Variants in SLC25A17 observed in about 807,000 individuals in gnomAD.
The protein encoded by SLC25A17 is peroxisomal membrane protein PMP34.
Under a neutral mutation model 38.5 loss-of-function variants are expected in SLC25A17, and 26 were observed. The observed-to-expected ratio is 0.68, with a 90% CI of 0.50 to 0.94. The LOEUF (loss-of-function observed/expected upper bound fraction) is 0.94, where lower values mean the gene tolerates loss of function less well. Ranked by LOEUF, SLC25A17 falls within the 40% of genes least tolerant of loss-of-function variation. The pLI is 0.00. For missense variants in SLC25A17, 333 were observed against 372.7 expected, an observed-to-expected ratio of 0.89 and a Z score of 0.88; for synonymous variants, 139 against 136.2, an observed-to-expected ratio of 1.02 and a Z score of -0.14.
intron 4 of SLC25A17, chr22:40,788,952 G>A (rs1331179061): frequency 6.3e-6 from 2 of 317,970 alleles, no homozygotes; most frequent in Admixed American, 3.6e-5. Context: ...AGCCAACAAC[G>A]GCCACACTCA....
At position 40,792,609 on chromosome 22, in the gene SLC25A17, A is replaced by G. The variant is rs2057393992; in HGVS notation, c.250T>C (p.Tyr84His). 1 of 1,613,960 alleles carries G rather than the reference A, an allele frequency of 6.2e-7. No individual in the cohort carries two copies. Among genetic ancestry groups the G allele is most frequent in the Non-Finnish European group, 8.5e-7 (1 of 1,179,954 alleles). The change falls in exon 4 of 9, where the codon TAC becomes CAC. Residue 84 changes from tyrosine to histidine, a missense_variant. Transcript: ENST00000435456. ...SLCCSNFVYF[Y>H]TFNSLKALWV... is the part of the protein sequence containing the mutation. The stretch of plus-strand genomic sequence containing the variant: ...AGTGCTTTGAGGCTATTAAAAGTGT[A>G]GAAATAGACAAAATTGGAGCAGCAG...
intron 4 of SLC25A17, among the ~76,000 whole-genome samples, chr22:40,782,614 G>T (rs1406189537): frequency 6.6e-6 from 1 of 152,162 alleles, no homozygotes; most frequent in Non-Finnish European, 1.5e-5. Flanking sequence ...GAAAATATGT[G>T]CAATGACCAT....
intron 2 of SLC25A17, 37 bp from the exon 3 acceptor site, chr22:40,794,617 TAA>T: frequency 7.1e-7 from 1 of 1,406,116 alleles, no homozygotes; most frequent in Non-Finnish European, 9.7e-7. Context: ...TTTTATTAAT[TAA>T]AAAAAAAATT....
chr22:40,773,410 CAAAAAAAAAAAAA>C (rs59479764), intron 8 of SLC25A17, among the ~76,000 whole-genome samples: 2 of 74,338 alleles, frequency 2.7e-5, no homozygotes, highest in Non-Finnish European at 5.0e-5. Flanking sequence ...ACTCTGTCTC[CAAAAAAAAAAAAA>C]AAAAAAAAAA....
chr22:40,776,977 A>G, intron 7 of SLC25A17, 63 bp downstream of exon 7: 1 of 1,327,894 alleles, frequency 7.5e-7, no homozygotes, highest in Non-Finnish European at 1.1e-6. Flanking sequence ...ATTGTTTTAA[A>G]TCAAGAGACT....
intron 8 of SLC25A17, among the ~76,000 whole-genome samples, chr22:40,771,417 T>C (rs1049725964): frequency 6.6e-6 from 1 of 152,310 alleles, no homozygotes; most frequent in South Asian, 2.1e-4. Context: ...GCCCTAGTTT[T>C]TGGTTCTTAC....
Position 40,816,537 on chromosome 22 carries a change from T to C in SLC25A17, c.54+2658A>G, listed in dbSNP as rs2057641233. Among the ~76,000 whole-genome samples the C allele has an allele frequency of 2.6e-5, 4 of 152,040 alleles. 1 individual carries two copies. In the South Asian group the frequency reaches 8.3e-4, roughly 31 times the overall value. On this transcript the variant is annotated intron_variant, in intron 1 of 8. Coordinates refer to ENST00000435456, the MANE Select transcript of SLC25A17 (RefSeq NM_006358.4). ...TCTTTAAAAAGTTTGCCAATCTCTA[T>C]GTTCTTTTATAGCACTTAACTGTAT...
At chr22:40,774,276 T>G (rs2057218479) in intron 7 of SLC25A17, among the ~76,000 whole-genome samples, 2 of 150,670 alleles carry the variant, frequency 1.3e-5, no homozygotes, top group African/African-American at 4.9e-5. Flanking sequence ...CAGGCTGGAG[T>G]GCAATGGCAC....
At chr22:40,814,965 G>A (rs1347761567) in intron 1 of SLC25A17, among the ~76,000 whole-genome samples, 1 of 151,610 alleles carries the variant, frequency 6.6e-6, no homozygotes, top group African/African-American at 2.4e-5. Context: ...GACTACAGGC[G>A]CCTGCCTCCA....
intron 4 of SLC25A17, among the ~76,000 whole-genome samples, chr22:40,780,533 T>C (rs1291764209): frequency 1.3e-5 from 2 of 152,232 alleles, no homozygotes; most frequent in Non-Finnish European, 2.9e-5. Context: ...AACACATTCC[T>C]GTTTGCCTAG....
intron 4 of SLC25A17, among the ~76,000 whole-genome samples, chr22:40,787,280 ACAGT>A (rs1319161807): frequency 6.6e-6 from 1 of 152,222 alleles, no homozygotes; most frequent in Non-Finnish European, 1.5e-5. Context: ...ATGGCTTGGT[ACAGT>A]CAAAGACTCA....
intron 4 of SLC25A17, chr22:40,780,246 AGTT>A (rs2145654232): frequency 6.6e-6 from 1 of 152,348 alleles, no homozygotes; most frequent in African/African-American, 2.4e-5. Context: ...AGTTGCATAC[AGTT>A]GTTAAAGATA....
At chr22:40,801,793 T>A (rs1349560302) in intron 1 of SLC25A17, among the ~76,000 whole-genome samples, 1 of 152,146 alleles carries the variant, frequency 6.6e-6, no homozygotes, top group African/African-American at 2.4e-5. Context: ...TGCATTTCTT[T>A]TCTTTTCTTT....
chr22:40,795,570 G>A (rs937982147), intron 2 of SLC25A17, among the ~76,000 whole-genome samples: 5 of 152,120 alleles, frequency 3.3e-5, no homozygotes, highest in Admixed American at 2.0e-4. Context: ...GATTACAGGC[G>A]TGAGCCACCA....
chr22:40,796,638 A>T (rs181088442), intron 2 of SLC25A17, among the ~76,000 whole-genome samples: 1 of 152,074 alleles, frequency 6.6e-6, no homozygotes, highest in Non-Finnish European at 1.5e-5. Context: ...AAAAGAAGGC[A>T]ATCTGGCAAT....
chr22:40,818,934 G>A (rs1358503171), intron 1 of SLC25A17, among the ~76,000 whole-genome samples: 1 of 152,104 alleles, frequency 6.6e-6, no homozygotes, highest in Non-Finnish European at 1.5e-5. Context: ...CAAAGATGCG[G>A]ACCCTGAGCG....
At chr22:40,784,796 A>AG in intron 4 of SLC25A17, among the ~76,000 whole-genome samples, 1 of 151,488 alleles carries the variant, frequency 6.6e-6, no homozygotes, top group Non-Finnish European at 1.5e-5. Context: ...AAAAAAAAAA[A>AG]AAAAAAAAAG....
At chr22:40,818,630 C>T (rs2057665151) in intron 1 of SLC25A17, among the ~76,000 whole-genome samples, 1 of 148,252 alleles carries the variant, frequency 6.7e-6, no homozygotes, top group Admixed American at 6.8e-5. Flanking sequence ...CGCTGGAGCC[C>T]GGGAGATCGA....
At chr22:40,791,958 A>G (rs1316625799) in intron 4 of SLC25A17, among the ~76,000 whole-genome samples, 3 of 152,244 alleles carry the variant, frequency 2.0e-5, no homozygotes, top group Admixed American at 2.0e-4. Flanking sequence ...ACTATTCACA[A>G]CAGCCAAAAG....
Sources: allele counts gnomAD v4.1 joint callset (sites outside exome capture counted in the v4.1 genomes callset), GRCh38; gene constraint gnomAD v4.1.1; transcripts MANE v1.5; gene names NCBI Gene and HGNC (gene_info 2026-07-23, HGNC 2026-07-21).